The following MID1 variants were observed in gnomAD, a reference collection of about 807,000 sequenced individuals.
MID1 encodes E3 ubiquitin-protein ligase Midline-1.
Under a neutral mutation model 40.4 loss-of-function variants are expected in MID1, and 7 were observed. The observed-to-expected ratio is 0.17, with a 90% confidence interval of 0.10 to 0.33. The LOEUF (loss-of-function observed/expected upper bound fraction) is 0.33. Ranked by LOEUF, MID1 falls within the 10% of genes least tolerant of loss-of-function variation. MID1 has a pLI of 1.00. For missense variants in MID1, 367 were observed against 558.5 expected (o/e 0.66, Z 3.46); for synonymous variants, 229 against 221.2 (o/e 1.04, Z -0.31).
At chrX:10,637,916 C>T (rs1233848813) in intron 1 of MID1, among the ~76,000 whole-genome samples, 1 of 112,156 alleles carries the variant, frequency 8.9e-6, no homozygotes, top group African/African-American at 3.2e-5. Context: ...ACTCTCTGTA[C>T]TACCTTTGCA....
At chrX:10,615,504 A>C (rs1397256661) in intron 1 of MID1, among the ~76,000 whole-genome samples, 2 of 112,147 alleles carry the variant, frequency 1.8e-5, no homozygotes, top group Admixed American at 9.4e-5. Context: ...CACCTCTTCC[A>C]TGTTTACTCA....
chrX:10,825,558 C>T (rs767285368), intron 1 of MID1, among the ~76,000 whole-genome samples: 1 of 111,962 alleles, frequency 8.9e-6, no homozygotes, highest in South Asian at 3.8e-4. Flanking sequence ...TCTCGGGTTA[C>T]AATTTTCTAA....
intron 2 of MID1, among the ~76,000 whole-genome samples, chrX:10,556,244 G>A (rs1934116005): frequency 9.0e-6 from 1 of 111,347 alleles, no homozygotes; most frequent in Non-Finnish European, 1.9e-5. Context: ...TCTTTTCTTG[G>A]AAACAGCTGT....
intron 1 of MID1, among the ~76,000 whole-genome samples, chrX:10,584,697 G>C (rs1428425988): frequency 8.9e-6 from 1 of 112,463 alleles, no homozygotes; most frequent in Non-Finnish European, 1.9e-5. Flanking sequence ...TAAATTCACT[G>C]GCTAGGTAAA....
intron 2 of MID1, among the ~76,000 whole-genome samples, chrX:10,552,915 C>T (rs1933972251): frequency 1.8e-5 from 2 of 111,519 alleles, no homozygotes; most frequent in African/African-American, 6.5e-5. Flanking sequence ...AAAATGGCAA[C>T]GCCAGGACAC....
In MID1 at chrX:10,565,176, C is replaced by T. The variant is rs773023595; in HGVS notation, c.660+1712G>A. On this transcript the variant is annotated intron_variant, in intron 2 of 9. Coordinates refer to ENST00000317552, the MANE Select transcript of MID1 (RefSeq NM_000381.4). ...TGCACTGTTCTGGAAAGCCTGTCAG[C>T]GGCTGTCTTCTGTTGTCTGTGTCAC... The T allele has an allele frequency of 2.4e-5, 8 of 329,572 alleles. 1 individual carries two copies. Among genetic ancestry groups the T allele is most frequent in the East Asian group, 9.7e-5 (1 of 10,259 alleles). The allele number at this position is 329,572 out of a possible 1,213,427, so 27.2% of individuals were successfully genotyped here.
Position 10,495,680 on chromosome X carries a change from T to C in MID1, c.768A>G (p.Ser256=). Residue 256 remains serine (S), a synonymous_variant, in exon 4 of 10, where the codon TCA becomes TCG. Transcript: ENST00000317552. ...CCTCTGTCAATTTGGCTTCTTGACG[T>C]GATGCATTGACCTACAGGATAAGTA... The part of the protein sequence containing the change: ...QTCQHVEVNA[S]RQEAKLTEEC... The C allele has an allele frequency of 8.4e-7, 1 of 1,192,336 alleles. No individual in the cohort carries two copies. Among genetic ancestry groups the C allele is most frequent in the South Asian group, 1.8e-5 (1 of 56,561 alleles).
intron 1 of MID1, among the ~76,000 whole-genome samples, chrX:10,756,600 G>A (rs934964955): frequency 1.8e-5 from 2 of 111,581 alleles, no homozygotes; most frequent in African/African-American, 3.3e-5. Flanking sequence ...TCAAGGCTAC[G>A]TGTCCAGTCA....
chrX:10,689,741 T>C (rs1054401829), intron 1 of MID1, among the ~76,000 whole-genome samples: 7 of 109,452 alleles, frequency 6.4e-5, no homozygotes, highest in African/African-American at 2.0e-4. Flanking sequence ...CAAATGTAGA[T>C]TTATAGTGCC....
intron 1 of MID1, among the ~76,000 whole-genome samples, chrX:10,832,677 C>T (rs768948595): frequency 2.7e-5 from 3 of 112,259 alleles, no homozygotes; most frequent in Admixed American, 9.5e-5. Context: ...CTTTTGACAG[C>T]TATAAAAAAT....
chrX:10,460,069 T>C, intron 7 of MID1: 1 of 400,282 alleles, frequency 2.5e-6, no homozygotes, highest in Non-Finnish European at 4.4e-6. Context: ...TATATTTCCC[T>C]GTCATGTGGC....
At chrX:10,648,083 T>C (rs1936280117) in intron 1 of MID1, among the ~76,000 whole-genome samples, 1 of 112,247 alleles carries the variant, frequency 8.9e-6, no homozygotes, top group African/African-American at 3.2e-5. Context: ...ACAGATTTCA[T>C]ATATGTACAC....
At chrX:10,735,214 TG>T (rs1417017654) in intron 1 of MID1, among the ~76,000 whole-genome samples, 1 of 112,483 alleles carries the variant, frequency 8.9e-6, no homozygotes, top group Non-Finnish European at 1.9e-5. Flanking sequence ...GCAATTTTCC[TG>T]CCTCAGCCTC....
At chrX:10,565,807 ATTTT>A (rs1172327892) in intron 2 of MID1, among the ~76,000 whole-genome samples, 2 of 87,000 alleles carry the variant, frequency 2.3e-5, no homozygotes, top group African/African-American at 4.4e-5. Context: ...TTAGAGAGTG[ATTTT>A]TTTTTTTTTT....
chrX:10,744,736 T>C (rs1410150421), intron 1 of MID1, among the ~76,000 whole-genome samples: 3 of 111,217 alleles, frequency 2.7e-5, no homozygotes. Context: ...CACCTCTCCC[T>C]GTCTACTAGC....
chrX:10,642,569 G>C (rs1417088262), intron 1 of MID1, among the ~76,000 whole-genome samples: 13 of 110,305 alleles, frequency 1.2e-4, no homozygotes, highest in African/African-American at 4.0e-4. Flanking sequence ...AATCAATATT[G>C]TGAAAATGGC....
At chrX:10,496,241 G>A (rs1310502287) in intron 3 of MID1, among the ~76,000 whole-genome samples, 2 of 111,629 alleles carry the variant, frequency 1.8e-5, no homozygotes, top group Non-Finnish European at 3.8e-5. Flanking sequence ...ACAAAAAGAT[G>A]GTTCAATAGT....
intron 2 of MID1, among the ~76,000 whole-genome samples, chrX:10,554,496 C>T (rs763692957): frequency 7.2e-5 from 8 of 111,712 alleles, no homozygotes; most frequent in South Asian, 3.8e-4. Context: ...ATCAGATGAA[C>T]GTTTTATTGA....
intron 2 of MID1, among the ~76,000 whole-genome samples, chrX:10,543,670 C>G (rs1043325763): frequency 9.1e-6 from 1 of 109,594 alleles, no homozygotes; most frequent in Non-Finnish European, 1.9e-5. Flanking sequence ...TGGTGAAACG[C>G]GGTCTCTACT....
Sources: allele counts gnomAD v4.1 joint callset (sites outside exome capture counted in the v4.1 genomes callset), GRCh38; gene constraint gnomAD v4.1.1; transcripts MANE v1.5; gene names NCBI Gene and HGNC (gene_info 2026-07-23, HGNC 2026-07-21).